Variants in ARFIP1 observed in about 807,000 individuals in gnomAD.
The protein encoded by ARFIP1 is arfaptin-1.
ARFIP1 carries 24 observed loss-of-function variants against 42.5 expected under a neutral mutation model. That is an observed-to-expected ratio of 0.57 (90% confidence interval 0.41 to 0.80). The LOEUF (loss-of-function observed/expected upper bound fraction) is 0.80, where lower values mean the gene tolerates loss of function less well. ARFIP1 is among the 30% of genes least tolerant of loss of function. ARFIP1 has a pLI of 0.00. For missense variants in ARFIP1, 354 were observed against 434.0 expected, an observed-to-expected ratio of 0.82 and a Z score of 1.64; for synonymous variants, 141 against 153.7, an observed-to-expected ratio of 0.92 and a Z score of 0.61.
intron 1 of ARFIP1, among the ~76,000 whole-genome samples, chr4:152,783,828 GTC>G (rs1730641405): frequency 6.6e-6 from 1 of 151,950 alleles, no homozygotes; most frequent in Non-Finnish European, 1.5e-5. Context: ...ATGGATATAA[GTC>G]TCTGGTGTGT....
At chr4:152,786,708 A>G (rs2149813247) in intron 1 of ARFIP1, among the ~76,000 whole-genome samples, 1 of 152,304 alleles carries the variant, frequency 6.6e-6, no homozygotes, top group South Asian at 2.1e-4. Flanking sequence ...TGCTTCTAGG[A>G]TCAAAATAAA....
At chr4:152,804,914 T>C (rs1728883768) in intron 1 of ARFIP1, among the ~76,000 whole-genome samples, 2 of 152,290 alleles carry the variant, frequency 1.3e-5, no homozygotes, top group South Asian at 4.1e-4. Flanking sequence ...TTAATTTCCT[T>C]AACCTTTTTA....
At chr4:152,850,539 A>T (rs1489647705) in intron 2 of ARFIP1, 1 of 152,190 alleles carries the variant, frequency 6.6e-6, no homozygotes, top group African/African-American at 2.4e-5. Flanking sequence ...TTGCACAAGA[A>T]TGGAAAGCAG....
intron 1 of ARFIP1, among the ~76,000 whole-genome samples, chr4:152,818,166 A>AT (rs1368465867): frequency 6.6e-6 from 1 of 152,206 alleles, no homozygotes; most frequent in Non-Finnish European, 1.5e-5. Flanking sequence ...CACTGTGAAC[A>AT]TTTTTCCAAG....
chr4:152,809,083 G>A (rs1441862854), intron 1 of ARFIP1, among the ~76,000 whole-genome samples: 1 of 152,182 alleles, frequency 6.6e-6, no homozygotes, highest in African/African-American at 2.4e-5. Flanking sequence ...GTTGTAGCAT[G>A]TAAACACAGG....
chr4:152,797,850 A>G (rs893946790), intron 1 of ARFIP1, among the ~76,000 whole-genome samples: 2 of 152,128 alleles, frequency 1.3e-5, no homozygotes, highest in Non-Finnish European at 2.9e-5. Context: ...TTTTTAGGCT[A>G]CCATTATATC....
rs1738823141 is a variant in ARFIP1, at chr4:152,911,226, AAT to A, written c.*1008_*1009del. The A allele has an allele frequency of 6.6e-6, 1 of 152,646 alleles. No homozygotes were observed. Among genetic ancestry groups the A allele is most frequent in the Admixed American group, 6.5e-5 (1 of 15,276 alleles). The allele number at this position is 152,646 out of a possible 1,614,324, so 9.5% of individuals were successfully genotyped here. On this transcript the variant is annotated 3_prime_UTR_variant, in exon 9 of 9. Transcript: ENST00000353617. ...TTTGATGTGTCTATTCCTTCCATGG[AAT>A]GGAGCACTATGTATGAATGTTGGGT...
At chr4:152,803,182 G>A (rs1028865916) in intron 1 of ARFIP1, among the ~76,000 whole-genome samples, 6 of 152,144 alleles carry the variant, frequency 3.9e-5, no homozygotes, top group Non-Finnish European at 8.8e-5. Flanking sequence ...AGTTTTATGA[G>A]CCACGTTATC....
intron 1 of ARFIP1, among the ~76,000 whole-genome samples, chr4:152,781,501 T>C (rs904435840): frequency 6.6e-5 from 10 of 152,186 alleles, no homozygotes; most frequent in Non-Finnish European, 1.0e-4. Flanking sequence ...CCTCCCAAAG[T>C]GTTGGGATTA....
chr4:152,824,144 C>T (rs1160594533), intron 1 of ARFIP1, among the ~76,000 whole-genome samples: 3 of 151,950 alleles, frequency 2.0e-5, no homozygotes, highest in African/African-American at 7.3e-5. Flanking sequence ...GAAACCCCCT[C>T]TCTACTAAAA....
intron 8 of ARFIP1, among the ~76,000 whole-genome samples, chr4:152,908,088 A>G (rs986494551): frequency 4.6e-5 from 7 of 152,090 alleles, no homozygotes; most frequent in Non-Finnish European, 7.4e-5. Flanking sequence ...GAGTTTTCCT[A>G]TTTCCTAATG....
At chr4:152,810,814 T>TA (rs994964085) in intron 1 of ARFIP1, among the ~76,000 whole-genome samples, 1 of 151,250 alleles carries the variant, frequency 6.6e-6, no homozygotes, top group Non-Finnish European at 1.5e-5. Context: ...AGACTCTGTC[T>TA]AAAAAAAAAG....
At chr4:152,903,721 G>T (rs1284115313) in intron 8 of ARFIP1, among the ~76,000 whole-genome samples, 1 of 152,068 alleles carries the variant, frequency 6.6e-6, no homozygotes, top group Admixed American at 6.6e-5. Flanking sequence ...GGATTAAGTT[G>T]CATTGTGGGG....
intron 3 of ARFIP1, among the ~76,000 whole-genome samples, chr4:152,866,915 C>G (rs894296819): frequency 6.6e-6 from 1 of 151,442 alleles, no homozygotes; most frequent in Non-Finnish European, 1.5e-5. Flanking sequence ...CGGGCAGAGA[C>G]GCTCCTCACT....
chr4:152,793,928 C>G (rs965947379), intron 1 of ARFIP1, among the ~76,000 whole-genome samples: 1 of 152,086 alleles, frequency 6.6e-6, no homozygotes, highest in African/African-American at 2.4e-5. Context: ...TTCCTTCTTC[C>G]TTTATTCTGG....
In ARFIP1 at chr4:152,843,207, A is replaced by G. The variant is rs560365418; in HGVS notation, c.93+13481A>G. 2.0e-5 allele frequency among the ~76,000 whole-genome samples: 3 copies of G among 152,186 alleles called. No homozygotes were observed. In the South Asian group the frequency reaches 6.2e-4, roughly 31 times the overall value. The stretch of plus-strand genomic sequence containing the variant: ...GTCTTTCTTCTGGGTCTAGCCACCC[A>G]GAGAGTGTATCTGGCTCCAGGATGG... On this transcript the variant is annotated intron_variant, in intron 2 of 8. Transcript: ENST00000353617.
intron 6 of ARFIP1, among the ~76,000 whole-genome samples, chr4:152,881,459 A>G (rs1735842564): frequency 6.6e-6 from 1 of 152,152 alleles, no homozygotes; most frequent in South Asian, 2.1e-4. Context: ...CTTAATCAAT[A>G]TCAAGGGTTA....
chr4:152,902,612 C>T (rs1737941532), intron 8 of ARFIP1, among the ~76,000 whole-genome samples: 1 of 152,196 alleles, frequency 6.6e-6, no homozygotes. Context: ...TATAACAAAG[C>T]ATAGTCTACC....
intron 2 of ARFIP1, among the ~76,000 whole-genome samples, chr4:152,861,437 T>C (rs1444711850): frequency 6.6e-6 from 1 of 152,184 alleles, no homozygotes; most frequent in Non-Finnish European, 1.5e-5. Flanking sequence ...AAGTTCCTCA[T>C]TGAAAACAGT....
Sources: gnomAD v4.1 joint callset for allele counts (sites outside exome capture counted in the v4.1 genomes callset) on GRCh38, gnomAD v4.1.1 for gene constraint, MANE v1.5 for transcripts, NCBI Gene and HGNC (gene_info 2026-07-23, HGNC 2026-07-21) for gene names.